The following ZBTB24 variants were observed in gnomAD, a reference collection of about 807,000 sequenced individuals.
ZBTB24 encodes zinc finger and BTB domain containing 24.
ZBTB24 carries 32 observed loss-of-function variants against 53.8 expected under a neutral mutation model. The observed-to-expected ratio is 0.60, with a 90% CI of 0.45 to 0.80. ZBTB24 has a LOEUF of 0.80. ZBTB24 is among the 30% of genes least tolerant of loss of function. ZBTB24 has a pLI of 0.00. For synonymous variants in ZBTB24, 297 were observed against 306.7 expected, an observed-to-expected ratio of 0.97 and a Z score of 0.33; for missense variants, 722 against 837.1, an observed-to-expected ratio of 0.86 and a Z score of 1.70.
intron 5 of ZBTB24, among the ~76,000 whole-genome samples, chr6:109,468,563 C>T (rs1776102857): frequency 6.6e-6 from 1 of 151,950 alleles, no homozygotes; most frequent in Non-Finnish European, 1.5e-5. Flanking sequence ...CAAACCTTGC[C>T]ACGCACTCCT....
chr6:109,475,340 T>A (rs1268415363), intron 5 of ZBTB24, 59 bp downstream of exon 5: 1 of 1,601,334 alleles, frequency 6.2e-7, no homozygotes, highest in East Asian at 2.2e-5. Flanking sequence ...GAGAACTTCA[T>A]TCTTCACTCT....
intron 5 of ZBTB24, among the ~76,000 whole-genome samples, chr6:109,468,779 A>G (rs952289430): frequency 2.6e-5 from 4 of 152,180 alleles, no homozygotes; most frequent in Non-Finnish European, 5.9e-5. Flanking sequence ...CTGAGATGCT[A>G]TAACTGCTCC....
chr6:109,469,575 C>T (rs1299595768), intron 5 of ZBTB24, among the ~76,000 whole-genome samples: 1 of 152,156 alleles, frequency 6.6e-6, no homozygotes, highest in Admixed American at 6.5e-5. Context: ...CACAGCTCTA[C>T]CACCTTCAAT....
At chr6:109,472,755 T>A (rs1486192779) in intron 5 of ZBTB24, among the ~76,000 whole-genome samples, 2 of 152,154 alleles carry the variant, frequency 1.3e-5, no homozygotes, top group African/African-American at 4.8e-5. Context: ...CACCAACCAG[T>A]CCACAATCTA....
At chr6:109,477,522 CAG>C (rs929942972) in intron 2 of ZBTB24, among the ~76,000 whole-genome samples, 3 of 152,192 alleles carry the variant, frequency 2.0e-5, no homozygotes, top group African/African-American at 4.8e-5. Flanking sequence ...TCTCTGGAAA[CAG>C]GGGTGAGGGA....
At chr6:109,467,880 T>C (rs1056808413) in intron 5 of ZBTB24, 146 bp from the exon 6 acceptor site, 2 of 891,262 alleles carry the variant, frequency 2.2e-6, no homozygotes, top group African/African-American at 1.7e-5. Flanking sequence ...CGTAAACGAA[T>C]GATGCACTCA....
Position 109,482,001 on chromosome 6 carries a change from G to C in ZBTB24, c.26C>G (p.Ser9Cys). The change falls in exon 2 of 7, where the codon TCT (serine) becomes TGT (cysteine). Residue 9 changes from serine (S) to cysteine (C), a missense_variant. Ser to Cys is a moderately radical substitution (Grantham distance 112). Coordinates refer to ENST00000230122, the MANE Select transcript of ZBTB24 (RefSeq NM_014797.3). ...GTCTGAGTGTACAACAAGCTGCCCA[G>C]AAGGCTCTGGCGATGTTTCTGCCAT... The part of the protein sequence containing the change: MAETSPEP[S>C]GQLVVHSDAH... The C allele has an allele frequency of 7.4e-6, 12 of 1,614,208 alleles. No homozygotes were observed. The highest frequency in any genetic ancestry group is 1.0e-5 in the Non-Finnish European group (12 of 1,180,044).
At chr6:109,479,935 A>C (rs1776364618) in intron 2 of ZBTB24, among the ~76,000 whole-genome samples, 1 of 151,678 alleles carries the variant, frequency 6.6e-6, no homozygotes, top group South Asian at 2.1e-4. Context: ...AAAAAAAAAA[A>C]AAAAAAAGCT....
chr6:109,479,338 G>A (rs565247783), intron 2 of ZBTB24, among the ~76,000 whole-genome samples: 7 of 152,278 alleles, frequency 4.6e-5, no homozygotes, highest in Non-Finnish European at 8.8e-5. Context: ...CTGTATGAAT[G>A]CACCAAATGC....
chr6:109,467,002 G>C (rs1776059028), intron 6 of ZBTB24, among the ~76,000 whole-genome samples: 1 of 152,130 alleles, frequency 6.6e-6, no homozygotes, highest in African/African-American at 2.4e-5. Context: ...AATTATTTGT[G>C]ATGCTGTCAG....
rs1776290356 is a variant in ZBTB24, at chr6:109,476,930, C to T, written c.953G>A (p.Gly318Glu). The change falls in exon 3 of 7, where the codon GGG becomes GAG. Residue 318 changes from glycine (G) to glutamate (E), a missense_variant and splice_region_variant. Transcript: ENST00000230122. The part of the protein sequence containing the change: ...FLAIHQRSHT[G>E]ERPFKCNECG... ...CTCATTACATTTGAAAGGTCGCTCC[C>T]CTGGAAGAAGAGCCCCAGAAGCATG... 3.1e-6 allele frequency: 5 copies of T among 1,613,806 alleles called. No individual in the cohort carries two copies. Among genetic ancestry groups the T allele is most frequent in the Non-Finnish European group, 4.2e-6 (5 of 1,179,962 alleles).
Position 109,483,195 on chromosome 6 carries a change from G to GCGC in ZBTB24, c.-129_-127dup, listed in dbSNP as rs1390114759. On this transcript the variant is annotated 5_prime_UTR_variant, in exon 1 of 7. Coordinates refer to ENST00000230122, the MANE Select transcript of ZBTB24 (RefSeq NM_014797.3). ...CTGCGCCGCACCGGTTTCTGCTCCT[G>GCGC]CGCCGCCGCCGCAGCCACAGCCACA... The GCGC allele has an allele frequency of 2.0e-5, 3 of 152,082 alleles. No individual in the cohort carries two copies. The highest frequency in any genetic ancestry group is 6.6e-5 in the Admixed American group (1 of 15,250). 9.4% of individuals were successfully genotyped at this position (152,082 alleles called of 1,614,324 possible). A position where few individuals can be genotyped will look rare whatever the true frequency, so the allele number is the denominator to read the frequency against.
intron 2 of ZBTB24, among the ~76,000 whole-genome samples, chr6:109,477,644 A>G (rs962236995): frequency 5.3e-5 from 8 of 152,184 alleles, no homozygotes; most frequent in Non-Finnish European, 7.4e-5. Flanking sequence ...GTGTTCACTG[A>G]GGAGGGTTAA....
rs759027790 is a variant in ZBTB24, at chr6:109,465,644, T to G, written c.*207A>C. The G allele has an allele frequency of 1.9e-6, 3 of 1,551,784 alleles. No homozygotes were observed. The South Asian group carries it at 3.5e-5, about 18-fold the overall frequency. On this transcript the variant is annotated 3_prime_UTR_variant, in exon 7 of 7. Coordinates refer to ENST00000230122, the MANE Select transcript of ZBTB24 (RefSeq NM_014797.3). ...TGAAAACCATTCAATAATATTGAAA[T>G]GCTCAATACAAATCAGTACCTTAGA...
intron 4 of ZBTB24, among the ~76,000 whole-genome samples, chr6:109,475,960 T>C (rs1332942100): frequency 6.6e-6 from 1 of 152,224 alleles, no homozygotes; most frequent in Non-Finnish European, 1.5e-5. Flanking sequence ...TTTCTGTGTG[T>C]GGCACCAAAA....
Sources: gnomAD v4.1 joint callset for allele counts (sites outside exome capture counted in the v4.1 genomes callset) on GRCh38, gnomAD v4.1.1 for gene constraint, MANE v1.5 for transcripts, NCBI Gene and HGNC (gene_info 2026-07-23, HGNC 2026-07-21) for gene names.